The following LTBP4 variants were observed in gnomAD, a reference collection of about 807,000 sequenced individuals.
LTBP4 encodes the protein latent-transforming growth factor beta-binding protein 4.
Under a neutral mutation model 180.2 loss-of-function variants are expected in LTBP4, and 93 were observed. The observed-to-expected ratio is 0.52, with a 90% CI of 0.44 to 0.61. LTBP4 has a LOEUF of 0.61. LTBP4 is among the 20% of genes least tolerant of loss of function. The pLI, the probability that LTBP4 is intolerant of heterozygous loss-of-function variation, is 0.00. For synonymous variants in LTBP4, 947 were observed against 934.5 expected, an observed-to-expected ratio of 1.01 and a Z score of -0.24; for missense variants, 2,116 against 2,256.5, an observed-to-expected ratio of 0.94 and a Z score of 1.26.
chr19:40,612,093 C>A lies in LTBP4; in HGVS notation c.2200C>A (p.His734Asn), dbSNP rs769401025. ...ECEDVDECEN[H>N]LACPGQECVN... ...CCCAGATGTGGATGAGTGTGAGAAC[C>A]ACCTCGCATGCCCTGGGCAGGAGTG... Residue 734 changes from histidine (H) to asparagine (N), a missense_variant, in exon 15 of 30, where the codon CAC becomes AAC. By Grantham distance (68) the His-to-Asn change is moderately conservative (BLOSUM62 1). Around this residue, in one of 5 missense-constraint regions of LTBP4, gnomAD observed 877 missense variants for 873.6 expected, o/e 1.00. Transcript: ENST00000396819. 1.4e-5 allele frequency: 23 copies of A among 1,613,502 alleles called. No homozygotes were observed. Among genetic ancestry groups the A allele is most frequent in the Non-Finnish European group, 1.8e-5 (21 of 1,179,756 alleles).
intron 15 of LTBP4, 137 bp from the exon 16 acceptor site, chr19:40,612,928 C>A: frequency 1.2e-6 from 1 of 825,706 alleles, no homozygotes; most frequent in Non-Finnish European, 2.0e-6. Context: ...CAGCCCTACC[C>A]ACCTCTGCCA....
chr19:40,626,359 A>T (rs2081633769), intron 27 of LTBP4, among the ~76,000 whole-genome samples: 1 of 151,948 alleles, frequency 6.6e-6, no homozygotes, highest in African/African-American at 2.4e-5. Flanking sequence ...CTGAAATGCC[A>T]GTTGCTCAGA....
chr19:40,602,650 G>T (rs558327116), intron 1 of LTBP4, among the ~76,000 whole-genome samples: 1 of 152,200 alleles, frequency 6.6e-6, no homozygotes, highest in Non-Finnish European at 1.5e-5. Flanking sequence ...ATGCCCAGGC[G>T]GGTGCCAAGC....
chr19:40,601,089 G>A (rs912589284), upstream of LTBP4, among the ~76,000 whole-genome samples: 6 of 151,480 alleles, frequency 4.0e-5, no homozygotes, highest in African/African-American at 1.5e-4. Context: ...GGGGAAACCC[G>A]CCCGCCCCCA....
intron 1 of LTBP4, among the ~76,000 whole-genome samples, chr19:40,594,948 T>G (rs115860256): frequency 6.7e-6 from 1 of 149,068 alleles, no homozygotes; most frequent in African/African-American, 2.5e-5. Context: ...GGGGTGCAAC[T>G]GGATCAGTTG....
rs761160110 is a variant in LTBP4 at position 40,617,230 on chromosome 19, G to A, written c.3070+5G>A. ...GGGATGGGCGTCACTGCGTGGGTACGGGACTTCAGGAGGTGGATGGGACCA... is the reference window on the plus strand; with the variant it reads ...GGGATGGGCGTCACTGCGTGGGTACAGGACTTCAGGAGGTGGATGGGACCA... On this transcript the variant is annotated splice_donor_5th_base_variant and intron_variant, in intron 21 of 29. Coordinates refer to ENST00000396819, the MANE Select transcript of LTBP4 (RefSeq NM_001042545.2). The A allele has an allele frequency of 5.6e-5, 91 of 1,611,340 alleles. No homozygotes were observed. The highest frequency in any genetic ancestry group is 7.1e-5 in the Non-Finnish European group (84 of 1,178,102).
rs759728325 is a variant in LTBP4, at chr19:40,625,926, G to A, written c.3902G>A (p.Arg1301His). 36 of 1,604,214 alleles carry A rather than the reference G, an allele frequency of 2.2e-5. No individual in the cohort carries two copies. In the Admixed American group the frequency reaches 3.1e-4, roughly 14 times the overall value. The change falls in exon 27 of 30, where the codon CGT (arginine) becomes CAT (histidine). Residue 1301 changes from arginine to histidine, a missense_variant. Physicochemically the swap from Arg to His is conservative, Grantham distance 29. Transcript: ENST00000396819. ...DLVCSHPRLD[R>H]QATYTECCCL... ...GTGTGCAGCCACCCTCGGCTGGACC[G>A]TCAGGCCACCTACACAGAGTGCTGC...
chr19:40,601,118 G>T (rs2081420110), upstream of LTBP4, among the ~76,000 whole-genome samples: 3 of 152,046 alleles, frequency 2.0e-5, no homozygotes, highest in Admixed American at 2.0e-4. Flanking sequence ...CTTCCCCGCC[G>T]CTCCCCTACA....
chr19:40,624,052 C>A lies in LTBP4; in HGVS notation c.3802C>A (p.Arg1268Ser). The A allele has an allele frequency of 6.3e-7, 1 of 1,585,578 alleles. No homozygotes were observed. The highest frequency in any genetic ancestry group is 2.3e-5 in the East Asian group (1 of 43,870). ...ACTGGTGCTGGATGGCTCGCAGCGC[C>A]GCTGCGTCTCCAACGAGAGCCAGAG... ...PPLVLDGSQR[R>S]CVSNESQSLD... Residue 1268 changes from arginine to serine, a missense_variant, in exon 26 of 30, where the codon CGC (arginine) becomes AGC (serine). Arg to Ser is a moderately radical substitution (Grantham distance 110). Around this residue, in one of 5 missense-constraint regions of LTBP4, gnomAD observed 488 missense variants for 458.8 expected, o/e 1.06. Transcript: ENST00000396819.
intron 1 of LTBP4, among the ~76,000 whole-genome samples, chr19:40,594,745 G>A (rs1374613925): frequency 6.6e-6 from 1 of 152,172 alleles, no homozygotes; most frequent in African/African-American, 2.4e-5. Context: ...GGGACTGTGT[G>A]TCCCTGGACG....
chr19:40,607,517 C>T lies in LTBP4; in HGVS notation c.1144C>T (p.Pro382Ser). Reference protein sequence around the residue: ...AWGRGCQLCPPFGSEGFREIC... With the variant: ...AWGRGCQLCPSFGSEGFREIC... ...GGGCCGGGGCTGCCAGCTCTGCCCA[C>T]CCTTCGGCTCAGGTGAGCCCCTGCG... Residue 382 changes from proline (P) to serine (S), a missense_variant, in exon 7 of 30, where the codon CCC becomes TCC. Pro to Ser is a moderately conservative substitution (Grantham distance 74). Coordinates refer to ENST00000396819, the MANE Select transcript of LTBP4 (RefSeq NM_001042545.2). 6.2e-7 allele frequency: 1 copy of T among 1,610,278 alleles called. No individual in the cohort carries two copies. The highest frequency in any genetic ancestry group is 8.5e-7 in the Non-Finnish European group (1 of 1,178,646).
intron 1 of LTBP4, among the ~76,000 whole-genome samples, chr19:40,602,908 A>T (rs2081434429): frequency 6.6e-6 from 1 of 151,936 alleles, no homozygotes; most frequent in Non-Finnish European, 1.5e-5. Context: ...CACCCCCTCC[A>T]TCAGAGACCC....
chr19:40,624,040 G>A lies in LTBP4; in HGVS notation c.3790G>A (p.Gly1264Ser), dbSNP rs534267390. The change falls in exon 26 of 30, where the codon GGC (glycine) becomes AGC (serine). Residue 1264 changes from glycine to serine, a missense_variant. Around this residue, in one of 5 missense-constraint regions of LTBP4, gnomAD observed 488 missense variants for 458.8 expected, o/e 1.06. Coordinates refer to ENST00000396819, the MANE Select transcript of LTBP4 (RefSeq NM_001042545.2). Reference protein sequence around the residue: ...CTCEPPLVLDGSQRRCVSNES... With the variant: ...CTCEPPLVLDSSQRRCVSNES... ...CTGCGAGCCCCCACTGGTGCTGGAT[G>A]GCTCGCAGCGCCGCTGCGTCTCCAA... 1.9e-6 allele frequency: 3 copies of A among 1,596,178 alleles called. No individual in the cohort carries two copies. In the South Asian group the frequency reaches 3.3e-5, roughly 18 times the overall value.
rs1206253161 is a variant in LTBP4 at position 40,622,313 on chromosome 19, A to T, written c.3218-88A>T. 30 of 1,395,954 alleles carry T rather than the reference A, an allele frequency of 2.1e-5. No individual in the cohort carries two copies. Among genetic ancestry groups the T allele is most frequent in the Non-Finnish European group, 2.6e-5 (27 of 1,049,814 alleles). 86.5% of individuals were successfully genotyped at this position (1,395,954 alleles called of 1,614,324 possible). A position where few individuals can be genotyped will look rare whatever the true frequency, so the allele number is the denominator to read the frequency against. ...GATGGCTGCCACCCTCTGTTTCCCTATCTATGCCAGCCTCAGTTTCCCCAT... is the reference window on the plus strand; with the variant it reads ...GATGGCTGCCACCCTCTGTTTCCCTTTCTATGCCAGCCTCAGTTTCCCCAT... On this transcript the variant is annotated intron_variant, in intron 22 of 29. Transcript: ENST00000396819. The surrounding 1 kb of genome is among the most constrained non-coding windows in gnomAD (Gnocchi z 5.1).
Position 40,622,687 on chromosome 19 carries a change from G to GTCCCC in LTBP4, c.3484+20_3484+21insTCCCC, listed in dbSNP as rs768315680. ...AGACAGGTGGGCATGGGCTGATGGG[G>GTCCCC]ACACAGGGCTGAGGGCTTGGGTGGA... is the stretch of plus-strand genomic sequence containing the variant. On this transcript the variant is annotated intron_variant, in intron 23 of 29. Coordinates refer to ENST00000396819, the MANE Select transcript of LTBP4 (RefSeq NM_001042545.2). The surrounding 1 kb of genome is among the most constrained non-coding windows in gnomAD (Gnocchi z 5.1). 1 of 1,588,754 alleles carries GTCCCC rather than the reference G, an allele frequency of 6.3e-7. No homozygotes were observed. The highest frequency in any genetic ancestry group is 1.7e-5 in the Admixed American group (1 of 58,644).
Position 40,608,519 on chromosome 19 carries a change from GAACCCCGGCC to G in LTBP4, c.1343_1352del (p.Glu448AlafsTer293). ...CACCCATCGCCTGGAGCCCCGGCCT[GAACCCCGGCC>G]CGATCCCCGGCCCGGCCCTGAGCTT... On this transcript the variant is annotated frameshift_variant, in exon 9 of 30. Coordinates refer to ENST00000396819, the MANE Select transcript of LTBP4 (RefSeq NM_001042545.2). LOFTEE classifies it high-confidence loss of function. 6.2e-7 allele frequency: 1 copy of G among 1,607,048 alleles called. No homozygotes were observed. The highest frequency in any genetic ancestry group is 8.5e-7 in the Non-Finnish European group (1 of 1,177,012).
intron 1 of LTBP4, among the ~76,000 whole-genome samples, chr19:40,594,286 G>A (rs1250024335): frequency 2.6e-5 from 4 of 151,952 alleles, no homozygotes; most frequent in South Asian, 2.1e-4. Flanking sequence ...TCTGGAATGC[G>A]GGGGGACTAG....
At chr19:40,603,991 C>T (rs1173083190) in intron 1 of LTBP4, among the ~76,000 whole-genome samples, 1 of 152,268 alleles carries the variant, frequency 6.6e-6, no homozygotes, top group Non-Finnish European at 1.5e-5. Flanking sequence ...AGGCGCGTTC[C>T]CGCTCGTGGC....
rs1362947289 is a variant in LTBP4, at chr19:40,606,906, C to A, written c.991+380C>A. 4.6e-5 allele frequency among the ~76,000 whole-genome samples: 7 copies of A among 152,296 alleles called. No individual in the cohort carries two copies. The East Asian group carries it at 1.2e-3, about 25-fold the overall frequency. On this transcript the variant is annotated intron_variant, in intron 6 of 29. Coordinates refer to ENST00000396819, the MANE Select transcript of LTBP4 (RefSeq NM_001042545.2). ...AGAACTACAGGCGGGCACCACCATG[C>A]CCGGCTAAATTTTTTTGTATTTTTG...
Sources: allele counts gnomAD v4.1 joint callset (sites outside exome capture counted in the v4.1 genomes callset), GRCh38; gene constraint gnomAD v4.1.1; regional missense constraint gnomAD v4.1.1; non-coding constraint Gnocchi (gnomAD v3.1); transcripts MANE v1.5; gene names NCBI Gene and HGNC (gene_info 2026-07-23, HGNC 2026-07-21).